SNTG1: variants seen among roughly 807,000 people sequenced by gnomAD.
SNTG1 encodes the protein gamma-1-syntrophin.
SNTG1 carries 39 observed loss-of-function variants against 74.7 expected under a neutral mutation model. That is an observed-to-expected ratio of 0.52 (90% CI 0.40 to 0.68). The LOEUF is 0.68. Among genes scored for constraint, SNTG1 ranks in the 30% least tolerant of loss-of-function variants. The pLI is 0.00. For missense variants in SNTG1, 685 were observed against 609.5 expected, an observed-to-expected ratio of 1.12 and a Z score of -1.30; for synonymous variants, 254 against 217.1, an observed-to-expected ratio of 1.17 and a Z score of -1.49.
chr8:50,186,780 G>A (rs2083400414), intron 2 of SNTG1, among the ~76,000 whole-genome samples: 1 of 151,962 alleles, frequency 6.6e-6, no homozygotes, highest in South Asian at 2.1e-4. Context: ...GTAGATTGTG[G>A]ATATTAGACC....
chr8:50,423,020 A>G (rs1021254773), intron 4 of SNTG1, among the ~76,000 whole-genome samples: 3 of 152,340 alleles, frequency 2.0e-5, no homozygotes, highest in Non-Finnish European at 4.4e-5. Context: ...GGGTTAGCTC[A>G]GATCTTTTTA....
At chr8:50,478,768 A>G (rs997916981) in intron 8 of SNTG1, among the ~76,000 whole-genome samples, 5 of 152,134 alleles carry the variant, frequency 3.3e-5, no homozygotes, top group Admixed American at 2.6e-4. Context: ...GAGAAAGCAA[A>G]TGGGTACATA....
chr8:50,328,817 G>C (rs1587153296), intron 2 of SNTG1, among the ~76,000 whole-genome samples: 1 of 152,220 alleles, frequency 6.6e-6, no homozygotes, highest in East Asian at 1.9e-4. Flanking sequence ...CTTCCCAACA[G>C]TCCCAAAAAG....
intron 1 of SNTG1, among the ~76,000 whole-genome samples, chr8:49,978,078 C>A (rs1812352914): frequency 6.6e-6 from 1 of 152,202 alleles, no homozygotes; most frequent in African/African-American, 2.4e-5. Context: ...CACAACGGTC[C>A]ACTCAACCTA....
At chr8:50,344,302 A>G (rs1188075192) in intron 2 of SNTG1, among the ~76,000 whole-genome samples, 1 of 152,222 alleles carries the variant, frequency 6.6e-6, no homozygotes, top group Non-Finnish European at 1.5e-5. Context: ...TAAAACAACG[A>G]GAAGATTTAT....
chr8:50,029,798 T>C (rs1284185820), intron 1 of SNTG1, among the ~76,000 whole-genome samples: 8 of 152,164 alleles, frequency 5.3e-5, no homozygotes, highest in African/African-American at 2.4e-5. Context: ...TCAATAGTGC[T>C]GCAATAAACA....
intron 13 of SNTG1, among the ~76,000 whole-genome samples, chr8:50,649,758 T>G (rs1230225204): frequency 6.6e-6 from 1 of 152,096 alleles, no homozygotes; most frequent in African/African-American, 2.4e-5. Flanking sequence ...TGGCTCGTCT[T>G]TTTTAGTTTT....
At chr8:50,047,347 T>G (rs1042711469) in intron 1 of SNTG1, among the ~76,000 whole-genome samples, 2 of 151,580 alleles carry the variant, frequency 1.3e-5, no homozygotes, top group African/African-American at 4.8e-5. Context: ...AAAAAAAAAT[T>G]TTTAGTTCAA....
intron 2 of SNTG1, among the ~76,000 whole-genome samples, chr8:50,207,451 T>C (rs973633163): frequency 6.6e-6 from 1 of 152,204 alleles, no homozygotes; most frequent in African/African-American, 2.4e-5. Flanking sequence ...TTGATTCTTC[T>C]CTCTTTTCTT....
intron 2 of SNTG1, among the ~76,000 whole-genome samples, chr8:50,262,661 G>A (rs913999739): frequency 2.0e-5 from 3 of 151,936 alleles, no homozygotes; most frequent in African/African-American, 4.8e-5. Flanking sequence ...CACTCGCCTC[G>A]GCCTCCCAAA....
chr8:50,190,643 A>G (rs891027894), intron 2 of SNTG1, among the ~76,000 whole-genome samples: 2 of 152,142 alleles, frequency 1.3e-5, no homozygotes. Flanking sequence ...CTCTTTTTTT[A>G]AGTGTTTGCT....
intron 4 of SNTG1, among the ~76,000 whole-genome samples, chr8:50,429,269 G>T (rs1243238334): frequency 6.6e-6 from 1 of 151,948 alleles, no homozygotes; most frequent in Non-Finnish European, 1.5e-5. Flanking sequence ...GTAATCTAAG[G>T]TGGTACTGGC....
At chr8:49,968,488 G>T (rs138570515) in intron 1 of SNTG1, among the ~76,000 whole-genome samples, 1 of 151,838 alleles carries the variant, frequency 6.6e-6, no homozygotes, top group Non-Finnish European at 1.5e-5. Context: ...ATTTTCATAA[G>T]ATCTAAAGTG....
intron 13 of SNTG1, among the ~76,000 whole-genome samples, chr8:50,597,355 A>G (rs2094735870): frequency 7.2e-6 from 1 of 139,578 alleles, no homozygotes; most frequent in Admixed American, 7.6e-5. Flanking sequence ...ATACACGTAT[A>G]TATACACATA....
At chr8:50,779,603 G>T (rs1350968458) in intron 18 of SNTG1, among the ~76,000 whole-genome samples, 4 of 150,398 alleles carry the variant, frequency 2.7e-5, no homozygotes, top group Admixed American at 2.6e-4. Flanking sequence ...GAGATTTTGG[G>T]CTGAGACAAT....
At chr8:50,018,793 C>T (rs1180419730) in intron 1 of SNTG1, among the ~76,000 whole-genome samples, 1 of 151,980 alleles carries the variant, frequency 6.6e-6, no homozygotes, top group African/African-American at 2.4e-5. Context: ...TTGCTTCACA[C>T]TCACTAAGAT....
At chr8:50,650,223 T>A (rs1329865887) in intron 13 of SNTG1, among the ~76,000 whole-genome samples, 1 of 152,170 alleles carries the variant, frequency 6.6e-6, no homozygotes, top group African/African-American at 2.4e-5. Flanking sequence ...TTGAATTTCA[T>A]CATTTTTTCT....
At chr8:50,612,938 T>A (rs997797901) in intron 13 of SNTG1, among the ~76,000 whole-genome samples, 4 of 152,020 alleles carry the variant, frequency 2.6e-5, no homozygotes, top group Non-Finnish European at 5.9e-5. Context: ...TCTTCGGTGG[T>A]TAAAGAAATC....
intron 13 of SNTG1, among the ~76,000 whole-genome samples, chr8:50,649,055 A>T (rs1257116497): frequency 6.6e-6 from 1 of 152,138 alleles, no homozygotes; most frequent in African/African-American, 2.4e-5. Flanking sequence ...TAATTTAATA[A>T]TTGTACTTAC....
Sources: gnomAD v4.1 joint callset for allele counts (sites outside exome capture counted in the v4.1 genomes callset) on GRCh38, gnomAD v4.1.1 for gene constraint, MANE v1.5 for transcripts, NCBI Gene and HGNC (gene_info 2026-07-23, HGNC 2026-07-21) for gene names.